SUCLG2: variants seen among roughly 807,000 people sequenced by gnomAD.
SUCLG2 encodes the protein succinate--CoA ligase [GDP-forming] subunit beta, mitochondrial.
SUCLG2 carries 42 observed loss-of-function variants against 47.9 expected under a neutral mutation model. The observed-to-expected ratio is 0.88, with a 90% CI of 0.69 to 1.14. The LOEUF (loss-of-function observed/expected upper bound fraction) is 1.14. Among genes scored for constraint, SUCLG2 ranks in the 50% most tolerant of loss-of-function variants. SUCLG2 has a pLI of 0.00. For missense variants in SUCLG2, 571 were observed against 525.9 expected, an observed-to-expected ratio of 1.09 and a Z score of -0.84; for synonymous variants, 195 against 197.3, an observed-to-expected ratio of 0.99 and a Z score of 0.10.
intron 1 of SUCLG2, among the ~76,000 whole-genome samples, chr3:67,653,324 C>T (rs1701320940): frequency 6.6e-6 from 1 of 152,140 alleles, no homozygotes; most frequent in African/African-American, 2.4e-5. Flanking sequence ...ACAAAACTGC[C>T]ATTCCTTTTG....
intron 2 of SUCLG2, among the ~76,000 whole-genome samples, chr3:67,562,380 T>G (rs1707330090): frequency 6.6e-6 from 1 of 151,972 alleles, no homozygotes; most frequent in South Asian, 2.1e-4. Flanking sequence ...CAGGTTCAAG[T>G]GATTCTCCTG....
At position 67,629,700 on chromosome 3, in the gene SUCLG2, G is replaced by A. The variant is rs1476340474; in HGVS notation, c.85-20104C>T. On this transcript the variant is annotated intron_variant, in intron 1 of 10. Coordinates refer to ENST00000307227, the MANE Select transcript of SUCLG2 (RefSeq NM_003848.4). ...ACTAAAAGTCCTATCCACCCTTCTTGGCATGGCTAACCCCTCCCTTAAAAC... is the reference window on the plus strand; with the variant it reads ...ACTAAAAGTCCTATCCACCCTTCTTAGCATGGCTAACCCCTCCCTTAAAAC... Among the ~76,000 whole-genome samples, 6 of 152,048 alleles carry A rather than the reference G, an allele frequency of 3.9e-5. 1 individual carries two copies. Among genetic ancestry groups the A allele is most frequent in the African/African-American group, 1.4e-4 (6 of 41,386 alleles).
chr3:67,370,201 A>ATT (rs1005589407), downstream of SUCLG2, among the ~76,000 whole-genome samples: 1 of 152,204 alleles, frequency 6.6e-6, no homozygotes, highest in Non-Finnish European at 1.5e-5. Flanking sequence ...ATTTAACTGA[A>ATT]TGTTTAAAAG....
In SUCLG2 at chr3:67,520,641, C is replaced by T. The variant is rs569684963; in HGVS notation, c.418-7G>A. ...AGGCTTCAGCAACCATCACCTACCA[C>T]ATTAGTGGGAAAGTCAAATTAATTC... is the stretch of plus-strand genomic sequence containing the variant. On this transcript the variant is annotated splice_region_variant and splice_polypyrimidine_tract_variant and intron_variant, in intron 4 of 10. Coordinates refer to ENST00000307227, the MANE Select transcript of SUCLG2 (RefSeq NM_003848.4). The T allele has an allele frequency of 1.7e-5, 27 of 1,598,162 alleles. No homozygotes were observed. In the South Asian group the frequency reaches 3.1e-4, roughly 18 times the overall value.
At chr3:67,470,447 T>C (rs575611331) in intron 9 of SUCLG2, among the ~76,000 whole-genome samples, 1 of 152,370 alleles carries the variant, frequency 6.6e-6, no homozygotes, top group African/African-American at 2.4e-5. Flanking sequence ...AACTCATGTT[T>C]AAATTTAATT....
At chr3:67,641,165 T>TTGGGATA (rs1701094239) in intron 1 of SUCLG2, among the ~76,000 whole-genome samples, 2 of 152,228 alleles carry the variant, frequency 1.3e-5, no homozygotes, top group African/African-American at 4.8e-5. Context: ...CCTGTGCCCC[T>TTGGGATA]TTCCTTGGGA....
At chr3:67,618,811 G>C (rs1311907920) in intron 1 of SUCLG2, among the ~76,000 whole-genome samples, 3 of 152,188 alleles carry the variant, frequency 2.0e-5, no homozygotes, top group African/African-American at 7.2e-5. Context: ...TACCTGAAAA[G>C]CCAGCGTTGA....
At chr3:67,525,472 G>C (rs903077825) in intron 4 of SUCLG2, among the ~76,000 whole-genome samples, 1 of 151,868 alleles carries the variant, frequency 6.6e-6, no homozygotes, top group African/African-American at 2.4e-5. Context: ...CAGACCCAAA[G>C]AAATATGCCC....
chr3:67,602,888 G>A (rs568400910), intron 2 of SUCLG2, among the ~76,000 whole-genome samples: 2 of 152,068 alleles, frequency 1.3e-5, no homozygotes, highest in Admixed American at 6.5e-5. Context: ...ACTAAATTAC[G>A]AAAAAGAAAT....
At chr3:67,441,442 A>T (rs1392362980) in intron 9 of SUCLG2, among the ~76,000 whole-genome samples, 1 of 151,884 alleles carries the variant, frequency 6.6e-6, no homozygotes, top group Non-Finnish European at 1.5e-5. Context: ...ATGGAGACTC[A>T]TGGGAAGGAA....
chr3:67,636,318 C>G (rs1701009052), intron 1 of SUCLG2, among the ~76,000 whole-genome samples: 1 of 149,670 alleles, frequency 6.7e-6, no homozygotes, highest in Non-Finnish European at 1.5e-5. Context: ...GATTCTCATT[C>G]AAAGAGGTAG....
At chr3:67,601,600 A>G (rs2107298108) in intron 2 of SUCLG2, among the ~76,000 whole-genome samples, 1 of 152,272 alleles carries the variant, frequency 6.6e-6, no homozygotes, top group South Asian at 2.1e-4. Context: ...CCAGGGTAAA[A>G]TATTTCACGG....
intron 2 of SUCLG2, among the ~76,000 whole-genome samples, chr3:67,557,113 C>T (rs1261672807): frequency 6.6e-6 from 1 of 152,166 alleles, no homozygotes; most frequent in East Asian, 1.9e-4. Context: ...AGACATGTTT[C>T]TTTTAAGTAT....
In SUCLG2 at chr3:67,388,164, T is replaced by C. The variant is rs559083788; in HGVS notation, c.1184-12305A>G. The stretch of plus-strand genomic sequence containing the variant: ...TGTATCATGAAGGAATTGAATGTGA[T>C]AGCTCAGGATGAGATCAAAGAGGGC... On this transcript the variant is annotated intron_variant, in intron 10 of 10. Transcript: ENST00000307227. Among the ~76,000 whole-genome samples the C allele has an allele frequency of 1.3e-4, 20 of 152,330 alleles. No homozygotes were observed. The South Asian group carries it at 3.9e-3, about 30-fold the overall frequency.
chr3:67,529,309 C>T (rs993643147), intron 2 of SUCLG2, 123 bp from the exon 3 acceptor site: 24 of 687,748 alleles, frequency 3.5e-5, no homozygotes, highest in Middle Eastern at 2.5e-4. Context: ...CTCAAACTAA[C>T]TTTGAAAATA....
chr3:67,610,318 C>T (rs980046896), intron 1 of SUCLG2, among the ~76,000 whole-genome samples: 9 of 152,144 alleles, frequency 5.9e-5, no homozygotes, highest in African/African-American at 1.7e-4. Context: ...TAAACTGCAA[C>T]TTGTGTATTA....
chr3:67,510,235 A>C (rs1055122110), intron 6 of SUCLG2, among the ~76,000 whole-genome samples: 5 of 152,214 alleles, frequency 3.3e-5, no homozygotes, highest in African/African-American at 9.7e-5. Context: ...TAAATATTGC[A>C]AGTGGTTCCA....
At chr3:67,540,157 G>A (rs1471953890) in intron 2 of SUCLG2, among the ~76,000 whole-genome samples, 1 of 151,164 alleles carries the variant, frequency 6.6e-6, no homozygotes, top group African/African-American at 2.4e-5. Flanking sequence ...TTAGGGTGTC[G>A]ATTTTAGCTC....
At chr3:67,423,387 C>G (rs1334804135) in intron 9 of SUCLG2, among the ~76,000 whole-genome samples, 1 of 152,158 alleles carries the variant, frequency 6.6e-6, no homozygotes, top group Non-Finnish European at 1.5e-5. Context: ...TCCTTCCTAG[C>G]AACATGAGAA....
Sources: gnomAD v4.1 joint callset for allele counts (sites outside exome capture counted in the v4.1 genomes callset) on GRCh38, gnomAD v4.1.1 for gene constraint, MANE v1.5 for transcripts, NCBI Gene and HGNC (gene_info 2026-07-23, HGNC 2026-07-21) for gene names.